Variants in PSPH observed in about 807,000 individuals in gnomAD.
PSPH encodes the protein phosphoserine phosphatase.
A neutral mutation model predicts 23.4 loss-of-function variants in PSPH; 16 were observed. The observed-to-expected ratio is 0.68, with a 90% confidence interval of 0.46 to 1.04. The LOEUF is 1.04. Ranked by LOEUF, PSPH falls within the 50% of genes least tolerant of loss-of-function variation. The probability of loss-of-function intolerance (pLI) is 0.00; values close to 1 mark genes in which losing one functional copy is unlikely to be tolerated. For missense variants in PSPH, 223 were observed against 273.7 expected (o/e 0.81, Z 1.31); for synonymous variants, 68 against 99.7 (o/e 0.68, Z 1.89).
rs1788383876 is a variant in PSPH, at chr7:56,014,924, C to T, written c.570+99G>A. ...CGCCACTGCACTCCAACCTGGGCAA[C>T]AAGAGTGAAACTCCGTCTCAAAAAA... On this transcript the variant is annotated intron_variant, in intron 7 of 7. Transcript: ENST00000275605. The T allele has an allele frequency of 2.3e-6, 3 of 1,284,032 alleles. No individual in the cohort carries two copies. The South Asian group carries it at 4.8e-5, about 21-fold the overall frequency. The allele number at this position is 1,284,032 out of a possible 1,614,324, so 79.5% of individuals were successfully genotyped here. A position where few individuals can be genotyped will look rare whatever the true frequency, so the allele number is the denominator to read the frequency against.
At chr7:56,035,895 C>G (rs938054457) in intron 1 of PSPH, among the ~76,000 whole-genome samples, 3 of 150,408 alleles carry the variant, frequency 2.0e-5, no homozygotes, top group African/African-American at 7.3e-5. Flanking sequence ...GCTGGGATTA[C>G]AGGCATGAGC....
At chr7:56,038,706 C>T (rs1584486056) in intron 1 of PSPH, among the ~76,000 whole-genome samples, 1 of 151,822 alleles carries the variant, frequency 6.6e-6, no homozygotes, top group South Asian at 2.1e-4. Flanking sequence ...CGTGCACACA[C>T]CTCGAGGCAC....
At chr7:56,022,979 A>G (rs1002278116) in intron 3 of PSPH, among the ~76,000 whole-genome samples, 16 of 152,164 alleles carry the variant, frequency 1.1e-4, no homozygotes, top group South Asian at 4.2e-4. Context: ...GACTCTCTTG[A>G]ACCTGGGAGG....
At chr7:56,027,162 G>T (rs1034705672) in intron 3 of PSPH, among the ~76,000 whole-genome samples, 1 of 149,010 alleles carries the variant, frequency 6.7e-6, no homozygotes, top group Non-Finnish European at 1.5e-5. Context: ...CCGAGATTGC[G>T]CTATTGCACC....
At chr7:56,040,847 T>C (rs1792428051) in intron 1 of PSPH, among the ~76,000 whole-genome samples, 1 of 151,906 alleles carries the variant, frequency 6.6e-6, no homozygotes, top group Admixed American at 6.6e-5. Flanking sequence ...TGCAAAAATG[T>C]GTTGTTTGAA....
intron 1 of PSPH, among the ~76,000 whole-genome samples, chr7:56,040,038 G>T (rs1792301990): frequency 6.6e-6 from 1 of 151,654 alleles, no homozygotes; most frequent in African/African-American, 2.4e-5. Context: ...GGCAGAGCTT[G>T]CAGTGAGCTG....
chr7:56,038,233 T>C (rs1027929835), intron 1 of PSPH, among the ~76,000 whole-genome samples: 2 of 139,890 alleles, frequency 1.4e-5, no homozygotes, highest in African/African-American at 5.4e-5. Flanking sequence ...AGTCAGGAGA[T>C]GGAAACCATC....
intron 7 of PSPH, among the ~76,000 whole-genome samples, chr7:56,014,333 A>G (rs1420815637): frequency 2.0e-5 from 3 of 152,176 alleles, no homozygotes; most frequent in African/African-American, 7.2e-5. Context: ...TACGGGGATA[A>G]GGCATTGTTA....
In PSPH at chr7:56,015,034, A is replaced by C; in HGVS notation, c.559T>G (p.Cys187Gly). Reference sequence around the variant, plus strand: ...CCCTTAATACATACAGCAGGAGGACAGGCTTCCATATCTGTGGCACCATCT... The same window carrying C: ...CCCTTAATACATACAGCAGGAGGACCGGCTTCCATATCTGTGGCACCATCT... ...IGDGATDMEA[C>G]PPADAFIGFG... Residue 187 changes from cysteine to glycine, a missense_variant, in exon 7 of 8, where the codon TGT becomes GGT. Physicochemically the swap from Cys to Gly is radical, Grantham distance 159. Coordinates refer to ENST00000275605, the MANE Select transcript of PSPH (RefSeq NM_004577.4). 1 of 1,614,092 alleles carries C rather than the reference A, an allele frequency of 6.2e-7. No homozygotes were observed. The highest frequency in any genetic ancestry group is 8.5e-7 in the Non-Finnish European group (1 of 1,179,982).
At chr7:56,027,850 G>A (rs1469889157) in intron 3 of PSPH, among the ~76,000 whole-genome samples, 2 of 141,502 alleles carry the variant, frequency 1.4e-5, no homozygotes, top group Non-Finnish European at 3.0e-5. Flanking sequence ...CCAGGAGTTT[G>A]AGATCAGTTC....
intron 3 of PSPH, among the ~76,000 whole-genome samples, chr7:56,031,535 G>A (rs981710944): frequency 5.9e-5 from 9 of 152,158 alleles, no homozygotes; most frequent in Admixed American, 2.0e-4. Context: ...ACTGCTGGCC[G>A]GGTGCAGTGG....
At chr7:56,039,789 A>AAT (rs1792252708) in intron 1 of PSPH, among the ~76,000 whole-genome samples, 1 of 149,004 alleles carries the variant, frequency 6.7e-6, no homozygotes, top group Admixed American at 6.8e-5. Context: ...AAAAAAAAAA[A>AAT]AAAATTAAAA....
chr7:56,042,281 A>C (rs1181332531), intron 1 of PSPH, among the ~76,000 whole-genome samples: 1 of 152,082 alleles, frequency 6.6e-6, no homozygotes. Flanking sequence ...AAGAAGGACA[A>C]ACAAAAATAC....
chr7:56,037,746 T>A, intron 1 of PSPH, among the ~76,000 whole-genome samples: 1 of 142,704 alleles, frequency 7.0e-6, no homozygotes, highest in African/African-American at 2.6e-5. Flanking sequence ...GGAGTCTTGC[T>A]CTGTCACCCA....
At chr7:56,037,419 C>A (rs1791857186) in intron 1 of PSPH, among the ~76,000 whole-genome samples, 1 of 145,852 alleles carries the variant, frequency 6.9e-6, no homozygotes, top group Non-Finnish European at 1.5e-5. Context: ...GGTTTTCTTT[C>A]CTTTTTTTTT....
At chr7:56,051,045 T>G (rs3757852) in intron 1 of PSPH, 93 bp downstream of exon 1, 1 of 151,660 alleles carries the variant, frequency 6.6e-6, no homozygotes, top group Non-Finnish European at 1.5e-5. Flanking sequence ...AAAAAGAAAA[T>G]AAATAAAGTA....
chr7:56,038,298 A>T (rs971095878), intron 1 of PSPH, among the ~76,000 whole-genome samples: 5 of 151,284 alleles, frequency 3.3e-5, no homozygotes, highest in African/African-American at 1.2e-4. Flanking sequence ...ATACAAAAAA[A>T]AAAAAAAAAA....
chr7:56,047,600 C>T (rs1793419126), intron 1 of PSPH, among the ~76,000 whole-genome samples: 2 of 151,794 alleles, frequency 1.3e-5, no homozygotes, highest in African/African-American at 4.8e-5. Flanking sequence ...CATCATGTGA[C>T]TCTTCCTATA....
chr7:56,022,289 G>A (rs1789577678), intron 3 of PSPH, among the ~76,000 whole-genome samples: 2 of 152,036 alleles, frequency 1.3e-5, no homozygotes, highest in East Asian at 1.9e-4. Flanking sequence ...AGCTGAGATC[G>A]TGCCACTGCA....
Sources: allele counts gnomAD v4.1 joint callset (sites outside exome capture counted in the v4.1 genomes callset), GRCh38; gene constraint gnomAD v4.1.1; transcripts MANE v1.5; gene names NCBI Gene and HGNC (gene_info 2026-07-23, HGNC 2026-07-21).